XRCC4: variants seen among roughly 807,000 people sequenced by gnomAD.
XRCC4 encodes the protein X-ray repair cross complementing 4.
XRCC4 carries 28 observed loss-of-function variants against 39.1 expected under a neutral mutation model. The ratio of observed to expected loss-of-function variants is 0.72; its 90% CI spans 0.53 to 0.98. XRCC4 has a LOEUF of 0.98. Ranked by LOEUF, XRCC4 falls within the 50% of genes least tolerant of loss-of-function variation. The pLI is 0.00. For missense variants in XRCC4, 350 were observed against 376.4 expected, an observed-to-expected ratio of 0.93 and a Z score of 0.58; for synonymous variants, 123 against 126.4, an observed-to-expected ratio of 0.97 and a Z score of 0.18.
intron 3 of XRCC4, among the ~76,000 whole-genome samples, chr5:83,169,624 C>T (rs111500573): frequency 9.9e-5 from 15 of 152,078 alleles, no homozygotes; most frequent in African/African-American, 2.9e-4. Flanking sequence ...TAGAACAGCT[C>T]GAGTCTGACA....
At chr5:83,292,849 A>G (rs1025629837) in intron 7 of XRCC4, among the ~76,000 whole-genome samples, 4 of 151,798 alleles carry the variant, frequency 2.6e-5, no homozygotes, top group Non-Finnish European at 5.9e-5. Flanking sequence ...ATTGGATGAC[A>G]AAACTATATT....
chr5:83,118,660 A>G (rs983733997), intron 3 of XRCC4, among the ~76,000 whole-genome samples: 12 of 152,230 alleles, frequency 7.9e-5, no homozygotes, highest in Admixed American at 7.9e-4. Context: ...GCCAGAATGT[A>G]GTCACATGGC....
chr5:83,125,428 A>C (rs1159519686), intron 3 of XRCC4, among the ~76,000 whole-genome samples: 1 of 152,134 alleles, frequency 6.6e-6, no homozygotes, highest in African/African-American at 2.4e-5. Context: ...TTACATTTAT[A>C]TCTATAATCT....
chr5:83,258,416 T>C (rs1484326304), intron 6 of XRCC4, 114 bp from the exon 7 acceptor site: 2 of 1,267,986 alleles, frequency 1.6e-6, no homozygotes, highest in East Asian at 2.5e-5. Context: ...TTTGAAAGAA[T>C]AGTTTTGCTA....
rs28360145 is a variant in XRCC4, at chr5:83,197,656, A to T, written c.482+1720A>T. On this transcript the variant is annotated intron_variant, in intron 4 of 7. Transcript: ENST00000396027. ...CAGATGCTTGATTTGCTATTTCTGG[A>T]CTATCCAGCAAGTGCTTTTGTCTTG... Among the ~76,000 whole-genome samples, 130 of 152,248 alleles carry T rather than the reference A, an allele frequency of 8.5e-4. 1 individual carries two copies. The East Asian group carries it at 0.022, about 26-fold the overall frequency.
intron 1 of XRCC4, among the ~76,000 whole-genome samples, chr5:83,099,511 G>T (rs971012958): frequency 1.3e-5 from 2 of 152,268 alleles, no homozygotes; most frequent in South Asian, 2.1e-4. Flanking sequence ...ACTGTGAATG[G>T]TATTTGTTCA....
intron 3 of XRCC4, among the ~76,000 whole-genome samples, chr5:83,155,187 G>A (rs887789394): frequency 7.9e-5 from 12 of 152,250 alleles, no homozygotes; most frequent in African/African-American, 2.4e-4. Flanking sequence ...TCAAAGCAAA[G>A]TTTGTTGTAG....
intron 4 of XRCC4, among the ~76,000 whole-genome samples, chr5:83,203,317 T>A (rs922052339): frequency 6.6e-6 from 1 of 152,190 alleles, no homozygotes; most frequent in Non-Finnish European, 1.5e-5. Flanking sequence ...TTCTAAAGGC[T>A]TATTTGTATC....
At chr5:83,132,554 A>G (rs1044842555) in intron 3 of XRCC4, among the ~76,000 whole-genome samples, 11 of 149,654 alleles carry the variant, frequency 7.4e-5, no homozygotes, top group African/African-American at 2.5e-4. Context: ...ACATAGTCCC[A>G]TATTTCTCGG....
rs531413738 is a variant in XRCC4, at chr5:83,263,711, ATTTG to A, written c.893+5039_893+5042del. Reference sequence around the variant, plus strand: ...GGGGTTGTTTGTTTTTTTCTTGTAAATTTGTTTGAGTTCATTGTAGATTCTAGAT... The same window carrying A: ...GGGGTTGTTTGTTTTTTTCTTGTAAATTTGAGTTCATTGTAGATTCTAGAT... On this transcript the variant is annotated intron_variant, in intron 7 of 7. Coordinates refer to ENST00000396027, the MANE Select transcript of XRCC4 (RefSeq NM_003401.5). Among the ~76,000 whole-genome samples the A allele has an allele frequency of 7.2e-3, 1,088 of 151,196 alleles. 7 individuals carry two copies. Among genetic ancestry groups the A allele is most frequent in the Non-Finnish European group, 9.7e-3 (656 of 67,640 alleles).
intron 3 of XRCC4, among the ~76,000 whole-genome samples, chr5:83,170,665 C>T (rs1400258641): frequency 2.0e-5 from 3 of 152,162 alleles, no homozygotes; most frequent in Non-Finnish European, 2.9e-5. Context: ...CTAATTCCCA[C>T]TCCTCATGAA....
intron 3 of XRCC4, among the ~76,000 whole-genome samples, chr5:83,191,225 A>T (rs1340510750): frequency 6.6e-6 from 1 of 152,228 alleles, no homozygotes; most frequent in African/African-American, 2.4e-5. Context: ...TATTAAGACT[A>T]GAGAGGCCAA....
Position 83,134,607 on chromosome 5 carries a change from A to G in XRCC4, c.315+23404A>G, listed in dbSNP as rs1324143588. On this transcript the variant is annotated intron_variant, in intron 3 of 7. Transcript: ENST00000396027. ...AAAATTGACCAATCAGTTCTCTGTA[A>G]AATGGACCAATCAGCAGGATCAGGG... Among the ~76,000 whole-genome samples, 4 of 152,324 alleles carry G rather than the reference A, an allele frequency of 2.6e-5. No homozygotes were observed. The East Asian group carries it at 7.7e-4, about 29-fold the overall frequency.
chr5:83,283,507 C>T (rs554402886), intron 7 of XRCC4, among the ~76,000 whole-genome samples: 1 of 152,242 alleles, frequency 6.6e-6, no homozygotes, highest in African/African-American at 2.4e-5. Flanking sequence ...TGTCACAAAC[C>T]TAGAACATTA....
intron 3 of XRCC4, among the ~76,000 whole-genome samples, chr5:83,184,859 T>TA (rs1399901008): frequency 6.6e-6 from 1 of 152,122 alleles, no homozygotes; most frequent in Non-Finnish European, 1.5e-5. Flanking sequence ...AGTTTTTTTT[T>TA]ACCCATAGAT....
intron 3 of XRCC4, among the ~76,000 whole-genome samples, chr5:83,116,608 C>CTTTTT (rs559079642): frequency 1.6e-4 from 16 of 103,190 alleles, no homozygotes; most frequent in Non-Finnish European, 2.3e-4. Context: ...TTCTCTCTCT[C>CTTTTT]TTTTTTTTTT....
At position 83,194,376 on chromosome 5, in the gene XRCC4, C is replaced by T. The variant is rs143468832; in HGVS notation, c.316-1394C>T. On this transcript the variant is annotated intron_variant, in intron 3 of 7. Coordinates refer to ENST00000396027, the MANE Select transcript of XRCC4 (RefSeq NM_003401.5). ...AACTTTCTTATTTAAGCTTATATGC[C>T]TGTTAAGTGGACTCATATTTCATTG... Among the ~76,000 whole-genome samples, 34 of 152,184 alleles carry T rather than the reference C, an allele frequency of 2.2e-4. 1 individual carries two copies. The East Asian group carries it at 5.6e-3, about 25-fold the overall frequency.
At chr5:83,354,344 T>G (rs531950028), downstream of XRCC4, among the ~76,000 whole-genome samples, 107 of 152,308 alleles carry the variant, frequency 7.0e-4, 1 homozygote, top group South Asian at 1.9e-3. Context: ...TTATCAGCCG[T>G]CTTCTCTTCA....
rs563327652 is a variant in XRCC4 at position 83,334,495 on chromosome 5, A to G, written c.894-18636A>G. On this transcript the variant is annotated intron_variant, in intron 7 of 7. Coordinates refer to ENST00000396027, the MANE Select transcript of XRCC4 (RefSeq NM_003401.5). ...TCAGTTATATTTTTAAGGTACCTCA[A>G]TGTAACGGAATAGTATGAGGTTATT... is the stretch of plus-strand genomic sequence containing the variant. Among the ~76,000 whole-genome samples the G allele has an allele frequency of 3.9e-5, 6 of 152,166 alleles. No homozygotes were observed. The East Asian group carries it at 9.7e-4, about 25-fold the overall frequency.
Sources: gnomAD v4.1 joint callset for allele counts (sites outside exome capture counted in the v4.1 genomes callset) on GRCh38, gnomAD v4.1.1 for gene constraint, MANE v1.5 for transcripts, NCBI Gene and HGNC (gene_info 2026-07-23, HGNC 2026-07-21) for gene names.